KLHL1: variants seen among roughly 807,000 people sequenced by gnomAD.
KLHL1 encodes kelch-like protein 1.
KLHL1 carries 47 observed loss-of-function variants against 77.7 expected under a neutral mutation model. The ratio of observed to expected loss-of-function variants is 0.60; its 90% CI spans 0.48 to 0.77. The LOEUF is 0.77. KLHL1 is among the 30% of genes least tolerant of loss of function. KLHL1 has a pLI of 0.00. For synonymous variants in KLHL1, 360 were observed against 325.2 expected (o/e 1.11, Z -1.15); for missense variants, 925 against 910.8 (o/e 1.02, Z -0.20).
intron 1 of KLHL1, among the ~76,000 whole-genome samples, chr13:70,024,342 G>T (rs865849016): frequency 1.3e-5 from 2 of 151,828 alleles, no homozygotes; most frequent in Admixed American, 6.6e-5. Context: ...CTTCTGAATT[G>T]TAAGACCTAG....
At chr13:69,773,732 C>A (rs1270101689) in intron 7 of KLHL1, among the ~76,000 whole-genome samples, 3 of 151,630 alleles carry the variant, frequency 2.0e-5, no homozygotes, top group African/African-American at 7.3e-5. Context: ...TTGAAAATTT[C>A]CTATATTTCA....
chr13:69,900,238 CTATTT>C (rs1881807597), intron 4 of KLHL1, among the ~76,000 whole-genome samples: 1 of 152,062 alleles, frequency 6.6e-6, no homozygotes, highest in Non-Finnish European at 1.5e-5. Context: ...AAAAATGAAC[CTATTT>C]TATGACAAAT....
In KLHL1 at chr13:70,107,221, C is replaced by T. The variant is rs752013857; in HGVS notation, c.479G>A (p.Gly160Asp). Residue 160 changes from glycine to aspartate, a missense_variant, in exon 1 of 11, where the codon GGT becomes GAT. Gly to Asp is a moderately conservative substitution (Grantham distance 94). Transcript: ENST00000377844. ...VEPDNSSQAT[G>D]EGCGHRLSST... is the part of the protein sequence containing the mutation. ...ACTGTACCTGTGTCCACATCCTTCA[C>T]CTGTTGCCTGGCTAGAGTTGTCTGG... is the stretch of plus-strand genomic sequence containing the variant. 2 of 1,611,328 alleles carry T rather than the reference C, an allele frequency of 1.2e-6. No homozygotes were observed. Among genetic ancestry groups the T allele is most frequent in the African/African-American group, 1.3e-5 (1 of 74,918 alleles).
chr13:69,889,943 C>T (rs1264528372), intron 4 of KLHL1, among the ~76,000 whole-genome samples: 2 of 152,028 alleles, frequency 1.3e-5, no homozygotes, highest in African/African-American at 4.8e-5. Flanking sequence ...GCTACATTAA[C>T]ATTACTTTAT....
At chr13:69,831,244 A>G (rs1279255609) in intron 6 of KLHL1, among the ~76,000 whole-genome samples, 1 of 150,232 alleles carries the variant, frequency 6.7e-6, no homozygotes, top group Admixed American at 6.7e-5. Flanking sequence ...AATAGGCTCA[A>G]TTAGAAATGA....
intron 1 of KLHL1, among the ~76,000 whole-genome samples, chr13:70,027,541 A>AAACGAT (rs1885980631): frequency 2.0e-5 from 3 of 152,076 alleles, no homozygotes; most frequent in Non-Finnish European, 4.4e-5. Flanking sequence ...AAAGGGGGAG[A>AAACGAT]AAACTATAAC....
intron 3 of KLHL1, among the ~76,000 whole-genome samples, chr13:69,951,310 T>C (rs561449000): frequency 6.6e-6 from 1 of 151,582 alleles, no homozygotes; most frequent in Non-Finnish European, 1.5e-5. Flanking sequence ...TGCAAGTGGC[T>C]TATTTTTTCT....
At chr13:70,088,279 G>C (rs896589419) in intron 1 of KLHL1, among the ~76,000 whole-genome samples, 2 of 152,106 alleles carry the variant, frequency 1.3e-5, no homozygotes, top group Admixed American at 6.6e-5. Flanking sequence ...TTACCTCCAT[G>C]AGTCTCAATC....
At position 70,060,894 on chromosome 13, in the gene KLHL1, G is replaced by A. The variant is rs560115138; in HGVS notation, c.497+46309C>T. 2.6e-5 allele frequency among the ~76,000 whole-genome samples: 4 copies of A among 152,090 alleles called. No individual in the cohort carries two copies. In the South Asian group the frequency reaches 8.3e-4, roughly 32 times the overall value. On this transcript the variant is annotated intron_variant, in intron 1 of 10. Coordinates refer to ENST00000377844, the MANE Select transcript of KLHL1 (RefSeq NM_020866.3). ...TATATAAACAATAGAGTACCCTTCA[G>A]CTATAAAAAAAGAACAAGATCCTGT... is the stretch of plus-strand genomic sequence containing the variant.
intron 3 of KLHL1, among the ~76,000 whole-genome samples, chr13:69,953,991 A>C (rs1345269118): frequency 1.3e-5 from 2 of 151,264 alleles, no homozygotes; most frequent in Non-Finnish European, 3.0e-5. Context: ...TCACTTAAAG[A>C]CTATTATTTT....
At chr13:69,935,413 T>C (rs962578461) in intron 4 of KLHL1, among the ~76,000 whole-genome samples, 7 of 151,956 alleles carry the variant, frequency 4.6e-5, no homozygotes, top group Non-Finnish European at 1.0e-4. Context: ...ATTGAGCAGA[T>C]AGACAACAAA....
At chr13:69,918,085 T>C (rs1882506633) in intron 4 of KLHL1, among the ~76,000 whole-genome samples, 1 of 152,084 alleles carries the variant, frequency 6.6e-6, no homozygotes, top group African/African-American at 2.4e-5. Flanking sequence ...ATAAATGTGG[T>C]ATTTCACTTT....
At chr13:69,996,376 A>G (rs1885153300) in intron 1 of KLHL1, among the ~76,000 whole-genome samples, 2 of 152,110 alleles carry the variant, frequency 1.3e-5, no homozygotes, top group South Asian at 4.1e-4. Flanking sequence ...TTACAAATTA[A>G]TTTATTTGGA....
chr13:70,028,947 A>AC, intron 1 of KLHL1, among the ~76,000 whole-genome samples: 1 of 150,104 alleles, frequency 6.7e-6, no homozygotes, highest in Admixed American at 6.7e-5. Context: ...ACTGCACTGC[A>AC]TTCCAGCTTG....
At chr13:69,955,671 T>C (rs1883844089) in intron 3 of KLHL1, among the ~76,000 whole-genome samples, 1 of 150,910 alleles carries the variant, frequency 6.6e-6, no homozygotes, top group Non-Finnish European at 1.5e-5. Flanking sequence ...TTTCTATCAG[T>C]CTAAGAGCAA....
intron 6 of KLHL1, among the ~76,000 whole-genome samples, chr13:69,835,322 G>T (rs780219653): frequency 7.9e-5 from 12 of 152,086 alleles, no homozygotes; most frequent in African/African-American, 2.7e-4. Flanking sequence ...TGCATTGCTC[G>T]TCTTACATGA....
At chr13:69,881,529 A>C (rs7984606) in intron 5 of KLHL1, among the ~76,000 whole-genome samples, 8,727 of 152,206 alleles carry the variant, frequency 0.057, 636 homozygotes, top group African/African-American at 0.17. Flanking sequence ...TTATTTTTGG[A>C]TAACTTTACC....
intron 1 of KLHL1, among the ~76,000 whole-genome samples, chr13:70,069,709 A>T (rs915886430): frequency 1.3e-5 from 2 of 152,218 alleles, no homozygotes; most frequent in African/African-American, 4.8e-5. Flanking sequence ...GCTCATCGGA[A>T]GACTGAACAA....
At chr13:69,772,691 T>C (rs1875630705) in intron 7 of KLHL1, among the ~76,000 whole-genome samples, 1 of 152,206 alleles carries the variant, frequency 6.6e-6, no homozygotes, top group Non-Finnish European at 1.5e-5. Flanking sequence ...GTGTGTAAAG[T>C]ATCTTGCAGG....
Sources: allele counts gnomAD v4.1 joint callset (sites outside exome capture counted in the v4.1 genomes callset), GRCh38; gene constraint gnomAD v4.1.1; transcripts MANE v1.5; gene names NCBI Gene and HGNC (gene_info 2026-07-23, HGNC 2026-07-21).